Variants in ITSN2 observed in about 807,000 individuals in gnomAD.
The protein encoded by ITSN2 is intersectin 2.
A neutral mutation model predicts 243.7 loss-of-function variants in ITSN2; 156 were observed. That is an observed-to-expected ratio of 0.64 (90% CI 0.56 to 0.73). The LOEUF is 0.73. Ranked by LOEUF, ITSN2 falls within the 30% of genes least tolerant of loss-of-function variation. ITSN2 has a pLI of 0.00. For missense variants in ITSN2, 1,801 were observed against 1,996.1 expected, an observed-to-expected ratio of 0.90 and a Z score of 1.86; for synonymous variants, 703 against 699.9, an observed-to-expected ratio of 1.00 and a Z score of -0.07.
At chr2:24,230,345 T>C (rs138892249) in intron 29 of ITSN2, among the ~76,000 whole-genome samples, 3 of 152,336 alleles carry the variant, frequency 2.0e-5, no homozygotes, top group African/African-American at 7.2e-5. Flanking sequence ...ATCCAAGTTA[T>C]CATCATCTTG....
chr2:24,299,999 T>C lies in ITSN2; in HGVS notation c.1254A>G (p.Lys418=), dbSNP rs1450917581. The stretch of plus-strand genomic sequence containing the variant: ...CTAAGCGTTTTTCTAATTCAAGTTG[T>C]TTCTTCCATTCTTGTTCTTGTAATT... ...QRELQEQEWK[K]QLELEKRLEK... Residue 418 remains lysine, a synonymous_variant, in exon 12 of 40, where the codon AAA becomes AAG. Coordinates refer to ENST00000355123, the MANE Select transcript of ITSN2 (RefSeq NM_006277.3). 1.9e-6 allele frequency: 3 copies of C among 1,614,080 alleles called. No individual in the cohort carries two copies.
chr2:24,220,579 G>A (rs773034230), intron 30 of ITSN2: 88 of 1,085,606 alleles, frequency 8.1e-5, no homozygotes, highest in Non-Finnish European at 9.0e-5. Flanking sequence ...CAGATATTAG[G>A]CAAATATCCA....
At chr2:24,330,530 G>C in intron 1 of ITSN2, 1 of 734,980 alleles carries the variant, frequency 1.4e-6, no homozygotes, top group Non-Finnish European at 2.5e-6. Context: ...AGCCTGAAAA[G>C]GCCCCTGCAA....
intron 2 of ITSN2, among the ~76,000 whole-genome samples, chr2:24,320,015 G>A (rs1206030575): frequency 1.3e-5 from 2 of 152,208 alleles, no homozygotes; most frequent in Admixed American, 1.3e-4. Context: ...AAGATAAAGT[G>A]TGTGCAATTA....
chr2:24,319,701 T>C (rs1355302413), intron 2 of ITSN2, among the ~76,000 whole-genome samples: 2 of 152,244 alleles, frequency 1.3e-5, no homozygotes, highest in Non-Finnish European at 2.9e-5. Flanking sequence ...CAGGAGGCTA[T>C]GTTAGAGGCA....
In ITSN2 at chr2:24,246,951, G is replaced by A. The variant is rs1054418471; in HGVS notation, c.3289-58C>T. 3.5e-6 allele frequency: 4 copies of A among 1,142,860 alleles called. No individual in the cohort carries two copies. In the South Asian group the frequency reaches 4.0e-5, roughly 11 times the overall value. 70.8% of individuals were successfully genotyped at this position (1,142,860 alleles called of 1,614,324 possible). On this transcript the variant is annotated intron_variant, in intron 27 of 39. Transcript: ENST00000355123. Reference sequence around the variant, plus strand: ...AGATGAGATTAAAAACAATCATTGAGACATAACTTAAAAATTAGAAAAACC... The same window carrying A: ...AGATGAGATTAAAAACAATCATTGAAACATAACTTAAAAATTAGAAAAACC...
chr2:24,353,731 A>G (rs749160840), intron 1 of ITSN2, among the ~76,000 whole-genome samples: 4 of 152,222 alleles, frequency 2.6e-5, no homozygotes, highest in Non-Finnish European at 5.9e-5. Flanking sequence ...CAAGAGTCCC[A>G]CCAACATTCA....
intron 13 of ITSN2, 98 bp downstream of exon 13, chr2:24,298,567 A>G (rs563488849): frequency 2.6e-6 from 3 of 1,166,388 alleles, no homozygotes; most frequent in East Asian, 5.1e-5. Context: ...AAGTGCTAGG[A>G]TAACAGGTGT....
At chr2:24,315,500 C>T (rs976950370) in intron 2 of ITSN2, among the ~76,000 whole-genome samples, 3 of 152,160 alleles carry the variant, frequency 2.0e-5, no homozygotes, top group Admixed American at 6.5e-5. Context: ...AAAATATTCC[C>T]ACCCTCAAGG....
intron 31 of ITSN2, among the ~76,000 whole-genome samples, chr2:24,216,893 G>T (rs1189272724): frequency 6.6e-6 from 1 of 152,166 alleles, no homozygotes; most frequent in Non-Finnish European, 1.5e-5. Flanking sequence ...AGACCATCCT[G>T]GCTGACACAG....
chr2:24,248,710 A>T lies in ITSN2; in HGVS notation c.3207T>A (p.Ser1069=), dbSNP rs772458360. 3 of 1,613,270 alleles carry T rather than the reference A, an allele frequency of 1.9e-6. No homozygotes were observed. The Admixed American group carries it at 5.0e-5, about 27-fold the overall frequency. ...QVTSAYVASG[S]EQLSLAPGQL... ...GTCCTGGTGCAAGGCTAAGTTGTTC[A>T]GAACCAGAAGCAACATATGCTGAAG... Residue 1069 remains serine (S), a synonymous_variant, in exon 27 of 40, where the codon TCT becomes TCA. Coordinates refer to ENST00000355123, the MANE Select transcript of ITSN2 (RefSeq NM_006277.3).
chr2:24,301,843 A>G, intron 10 of ITSN2, 122 bp downstream of exon 10: 1 of 956,018 alleles, frequency 1.0e-6, no homozygotes, highest in Non-Finnish European at 1.5e-6. Flanking sequence ...TCTAATATGT[A>G]CCCTTTTCAA....
At position 24,225,977 on chromosome 2, in the gene ITSN2, T is replaced by A. The variant is rs1241991569; in HGVS notation, c.3578-4911A>T. ...GTAGCCCTTAGCAAGCTGTGACCGC[T>A]GAACACATGCAGTGTTTCCATGGTA... is the stretch of plus-strand genomic sequence containing the variant. On this transcript the variant is annotated intron_variant, in intron 29 of 39. Coordinates refer to ENST00000355123, the MANE Select transcript of ITSN2 (RefSeq NM_006277.3). The surrounding 1 kb of genome is among the most constrained non-coding windows in gnomAD (Gnocchi z 4.2). Among the ~76,000 whole-genome samples the A allele has an allele frequency of 6.6e-6, 1 of 152,234 alleles. No individual in the cohort carries two copies. The highest frequency in any genetic ancestry group is 1.5e-5 in the Non-Finnish European group (1 of 68,042).
chr2:24,223,871 G>GA (rs77725134), intron 29 of ITSN2, among the ~76,000 whole-genome samples: 1 of 36,650 alleles, frequency 2.7e-5, no homozygotes, highest in East Asian at 1.3e-3. Flanking sequence ...AGGAAAGAAA[G>GA]AAAAAAAAGA....
rs368920828 is a variant in ITSN2 at position 24,310,638 on chromosome 2, G to A, written c.407C>T (p.Pro136Leu). Residue 136 changes from proline to leucine, a missense_variant, in exon 6 of 40, where the codon CCT becomes CTT. Pro to Leu is a moderately conservative substitution (Grantham distance 98). Transcript: ENST00000355123. Reference sequence around the variant, plus strand: ...AGTCGCAGAAGACAATGATGTTATAGGTGCAGCTGGAGGCAATGGCTGAGG... The same window carrying A: ...AGTCGCAGAAGACAATGATGTTATAAGTGCAGCTGGAGGCAATGGCTGAGG... ...SIPQPLPPAA[P>L]ITSLSSATSG... 6 of 1,614,020 alleles carry A rather than the reference G, an allele frequency of 3.7e-6. No homozygotes were observed. Among genetic ancestry groups the A allele is most frequent in the African/African-American group, 2.7e-5 (2 of 74,904 alleles).
intron 30 of ITSN2, chr2:24,220,559 G>C: frequency 9.6e-7 from 1 of 1,046,534 alleles, no homozygotes; most frequent in Non-Finnish European, 1.1e-6. Context: ...GAAAATGTCA[G>C]ATGTTAAAAC....
At position 24,210,857 on chromosome 2, in the gene ITSN2, C is replaced by CA; in HGVS notation, c.4179dup (p.Glu1394Ter). The stretch of plus-strand genomic sequence containing the variant: ...GAGTTTTCCTTCTCCCGAACTCCCT[C>CA]ATTCACTTGAGAGCACAGCTCCTCT... On this transcript the variant is annotated frameshift_variant, in exon 34 of 40. Coordinates refer to ENST00000355123, the MANE Select transcript of ITSN2 (RefSeq NM_006277.3). LOFTEE classifies it high-confidence loss of function. The CA allele has an allele frequency of 6.2e-7, 1 of 1,614,162 alleles. No homozygotes were observed. Among genetic ancestry groups the CA allele is most frequent in the South Asian group, 1.1e-5 (1 of 91,080 alleles).
intron 22 of ITSN2, among the ~76,000 whole-genome samples, 170 bp downstream of exon 22, chr2:24,260,936 T>C (rs1471796591): frequency 1.4e-5 from 2 of 146,248 alleles, no homozygotes; most frequent in Non-Finnish European, 3.0e-5. Flanking sequence ...TTGAGAAACC[T>C]CTAAGTAATA....
chr2:24,315,329 A>C, intron 2 of ITSN2, 105 bp from the exon 3 acceptor site: 1 of 613,510 alleles, frequency 1.6e-6, no homozygotes, highest in Middle Eastern at 2.7e-4. Context: ...GACAGTATTT[A>C]ATATTTGAGT....
Sources: allele counts gnomAD v4.1 joint callset (sites outside exome capture counted in the v4.1 genomes callset), GRCh38; gene constraint gnomAD v4.1.1; non-coding constraint Gnocchi (gnomAD v3.1); transcripts MANE v1.5; gene names NCBI Gene and HGNC (gene_info 2026-07-23, HGNC 2026-07-21).